The following SLIT3 variants were observed in gnomAD, a reference collection of about 807,000 sequenced individuals.
SLIT3 encodes slit homolog 3 protein.
Under a neutral mutation model 184.0 loss-of-function variants are expected in SLIT3, and 68 were observed. The ratio of observed to expected loss-of-function variants is 0.37; its 90% CI spans 0.30 to 0.45. The LOEUF (loss-of-function observed/expected upper bound fraction) is 0.45. Among genes scored for constraint, SLIT3 ranks in the 20% least tolerant of loss-of-function variants. The pLI is 1.00. For missense variants in SLIT3, 1,707 were observed against 2,026.0 expected (o/e 0.84, Z 3.02); for synonymous variants, 831 against 828.6 (o/e 1.00, Z -0.05).
chr5:169,000,504 A>G (rs900631904), intron 4 of SLIT3, among the ~76,000 whole-genome samples: 2 of 152,084 alleles, frequency 1.3e-5, no homozygotes, highest in Non-Finnish European at 1.5e-5. Context: ...GAATTACTCA[A>G]AGAGAAGAAC....
At chr5:168,958,182 G>A (rs1259790858) in intron 4 of SLIT3, among the ~76,000 whole-genome samples, 1 of 152,152 alleles carries the variant, frequency 6.6e-6, no homozygotes, top group Non-Finnish European at 1.5e-5. Flanking sequence ...GGATTAGGAT[G>A]TAAGAAAATC....
chr5:169,221,690 T>C (rs1764623924), intron 3 of SLIT3, among the ~76,000 whole-genome samples: 1 of 152,180 alleles, frequency 6.6e-6, no homozygotes, highest in African/African-American at 2.4e-5. Flanking sequence ...TCGCCCTCCG[T>C]TCCTCCTCTG....
intron 4 of SLIT3, among the ~76,000 whole-genome samples, chr5:169,169,998 G>T (rs1046268140): frequency 6.6e-6 from 1 of 152,188 alleles, no homozygotes; most frequent in Non-Finnish European, 1.5e-5. Flanking sequence ...GCCCTTCCTC[G>T]CAGAGGGAAT....
chr5:168,871,948 T>G (rs1269546390), intron 5 of SLIT3, among the ~76,000 whole-genome samples: 1 of 152,118 alleles, frequency 6.6e-6, no homozygotes, highest in East Asian at 1.9e-4. Context: ...CAGAGATTCT[T>G]TGGGGAAGCA....
chr5:168,746,991 TGTGGTGTGTGGTGTG>T (rs948790266), intron 20 of SLIT3, among the ~76,000 whole-genome samples: 28 of 138,114 alleles, frequency 2.0e-4, no homozygotes, highest in African/African-American at 6.0e-4. Flanking sequence ...GGTGTGGATG[TGTGGTGTGTGGTGTG>T]GTGGTGTGTG....
At position 168,922,222 on chromosome 5, in the gene SLIT3, C is replaced by G. The variant is rs540174445; in HGVS notation, c.414-38886G>C. ...CCTGTAATCCCAGCACTTTGGGAGG[C>G]TGAGGCAGGTGGATCATGAGGTCAG... On this transcript the variant is annotated intron_variant, in intron 4 of 35. Coordinates refer to ENST00000519560, the MANE Select transcript of SLIT3 (RefSeq NM_003062.4). 2.6e-4 allele frequency among the ~76,000 whole-genome samples: 40 copies of G among 152,124 alleles called. No homozygotes were observed. The East Asian group carries it at 6.6e-3, about 25-fold the overall frequency.
At chr5:169,173,091 G>C (rs771444791) in intron 4 of SLIT3, among the ~76,000 whole-genome samples, 1 of 152,022 alleles carries the variant, frequency 6.6e-6, no homozygotes, top group Non-Finnish European at 1.5e-5. Context: ...ATGAAACCCC[G>C]TCTCTACTAA....
At chr5:169,050,469 A>T (rs553030098) in intron 4 of SLIT3, among the ~76,000 whole-genome samples, 2 of 152,272 alleles carry the variant, frequency 1.3e-5, no homozygotes, top group African/African-American at 4.8e-5. Flanking sequence ...TTTCTTTGCC[A>T]CGATTGGGTC....
intron 1 of SLIT3, among the ~76,000 whole-genome samples, chr5:169,260,273 G>T (rs923098284): frequency 6.6e-6 from 1 of 152,158 alleles, no homozygotes; most frequent in Non-Finnish European, 1.5e-5. Context: ...CAGCAAAGAG[G>T]TTCCAACCAA....
At position 168,712,351 on chromosome 5, in the gene SLIT3, G is replaced by C. The variant is rs557486742; in HGVS notation, c.2487C>G (p.Thr829=). ...FNGLRSLRVL[T]LHGNDISSVP... ...CGCTGGAAATGTCATTGCCATGGAG[G>C]GTTCTGAAGCAGAGGGCACAGGTCG... Residue 829 remains threonine, a synonymous_variant, in exon 24 of 36, where the codon ACC becomes ACG. Transcript: ENST00000519560. 2 of 1,614,114 alleles carry C rather than the reference G, an allele frequency of 1.2e-6. No homozygotes were observed. The highest frequency in any genetic ancestry group is 4.5e-5 in the East Asian group (2 of 44,882).
intron 9 of SLIT3, among the ~76,000 whole-genome samples, chr5:168,797,856 GAT>G (rs1435632195): frequency 6.6e-6 from 1 of 152,132 alleles, no homozygotes; most frequent in African/African-American, 2.4e-5. Flanking sequence ...GGGCAGAACT[GAT>G]ATCTCTGTTT....
chr5:169,188,317 C>T (rs773942475), intron 4 of SLIT3, among the ~76,000 whole-genome samples: 9 of 152,274 alleles, frequency 5.9e-5, no homozygotes, highest in African/African-American at 1.2e-4. Flanking sequence ...AAAGAATTTC[C>T]GGCAATATTA....
intron 4 of SLIT3, among the ~76,000 whole-genome samples, chr5:168,907,277 C>T (rs1026892714): frequency 6.6e-6 from 1 of 152,218 alleles, no homozygotes; most frequent in African/African-American, 2.4e-5. Flanking sequence ...TTTGGGTCAG[C>T]TTGGAGGGGT....
intron 3 of SLIT3, among the ~76,000 whole-genome samples, chr5:169,217,130 T>TA (rs55757348): frequency 0.044 from 5,618 of 126,858 alleles, 359 homozygotes; most frequent in African/African-American, 0.14. Flanking sequence ...TTGAGTAGGT[T>TA]AAAAAAAAAA....
At chr5:169,125,987 C>T (rs1231269193) in intron 4 of SLIT3, among the ~76,000 whole-genome samples, 2 of 152,094 alleles carry the variant, frequency 1.3e-5, no homozygotes, top group Non-Finnish European at 2.9e-5. Context: ...TCCTCAGGAA[C>T]TTCATTTTGC....
At chr5:168,709,677 A>G (rs1762487131) in intron 25 of SLIT3, among the ~76,000 whole-genome samples, 1 of 145,910 alleles carries the variant, frequency 6.9e-6, no homozygotes, top group Non-Finnish European at 1.5e-5. Flanking sequence ...CTAAAGTTTG[A>G]GAGGGTAATT....
chr5:168,945,016 A>G (rs1762429496), intron 4 of SLIT3, among the ~76,000 whole-genome samples: 1 of 152,160 alleles, frequency 6.6e-6, no homozygotes, highest in African/African-American at 2.4e-5. Context: ...GAGGAAAGGA[A>G]GAGGAAGGAG....
At chr5:169,154,591 C>T (rs1339628663) in intron 4 of SLIT3, among the ~76,000 whole-genome samples, 1 of 152,240 alleles carries the variant, frequency 6.6e-6, no homozygotes, top group Non-Finnish European at 1.5e-5. Context: ...GCTCCATTGG[C>T]TGTGCAAACT....
At chr5:169,067,818 C>T (rs1276952618) in intron 4 of SLIT3, among the ~76,000 whole-genome samples, 5 of 152,192 alleles carry the variant, frequency 3.3e-5, no homozygotes, top group Non-Finnish European at 7.3e-5. Flanking sequence ...CAGCCTCCAA[C>T]TCAAAATAGC....
Sources: allele counts gnomAD v4.1 joint callset (sites outside exome capture counted in the v4.1 genomes callset), GRCh38; gene constraint gnomAD v4.1.1; transcripts MANE v1.5; gene names NCBI Gene and HGNC (gene_info 2026-07-23, HGNC 2026-07-21).